Variants in ABCB5 observed in about 807,000 individuals in gnomAD.
ABCB5 encodes the protein ATP binding cassette subfamily B member 5.
A neutral mutation model predicts 144.2 loss-of-function variants in ABCB5; 155 were observed. The observed-to-expected ratio is 1.08, with a 90% CI of 0.94 to 1.23. ABCB5 has a LOEUF of 1.23. Among genes scored for constraint, ABCB5 ranks in the 50% most tolerant of loss-of-function variants. The pLI is 0.00. For synonymous variants in ABCB5, 610 were observed against 528.6 expected, an observed-to-expected ratio of 1.15 and a Z score of -2.11; for missense variants, 1,830 against 1,520.8, an observed-to-expected ratio of 1.20 and a Z score of -3.38.
chr7:20,687,355 A>C (rs1786036056), intron 16 of ABCB5, among the ~76,000 whole-genome samples: 1 of 152,252 alleles, frequency 6.6e-6, no homozygotes, highest in Non-Finnish European at 1.5e-5. Flanking sequence ...TTGGTTTACA[A>C]TCTGATACAA....
chr7:20,750,606 A>T (rs982624594), intron 26 of ABCB5, among the ~76,000 whole-genome samples: 6 of 152,192 alleles, frequency 3.9e-5, no homozygotes, highest in Non-Finnish European at 7.3e-5. Context: ...TGGGGGTGTT[A>T]AATAATATAT....
intron 19 of ABCB5, among the ~76,000 whole-genome samples, chr7:20,703,520 A>G (rs1674918420): frequency 6.6e-6 from 1 of 152,162 alleles, no homozygotes. Context: ...CTAACATATG[A>G]TGTGCGTGAT....
At chr7:20,645,726 T>C in intron 7 of ABCB5, 30 bp from the exon 8 acceptor site, 3 of 1,611,818 alleles carry the variant, frequency 1.9e-6, no homozygotes, top group African/African-American at 1.3e-5. Context: ...CACAGAGTCA[T>C]TTTTTAACTG....
At chr7:20,620,731 T>C (rs1783789963) in intron 1 of ABCB5, among the ~76,000 whole-genome samples, 1 of 152,046 alleles carries the variant, frequency 6.6e-6, no homozygotes, top group Non-Finnish European at 1.5e-5. Context: ...TGTCCATTAA[T>C]CAGAAAATAA....
chr7:20,755,598 T>G lies in ABCB5; in HGVS notation c.3748T>G (p.Leu1250Val), dbSNP rs1411289329. 35 of 1,614,050 alleles carry G rather than the reference T, an allele frequency of 2.2e-5. No individual in the cohort carries two copies. Among genetic ancestry groups the G allele is most frequent in the Non-Finnish European group, 3.0e-5 (35 of 1,180,042 alleles). Residue 1250 changes from leucine to valine, a missense_variant, in exon 28 of 28, where the codon TTA (leucine) becomes GTA (valine). Transcript: ENST00000404938. The stretch of plus-strand genomic sequence containing the variant: ...GAGAAATCGAGACATATATTTTAAG[T>G]TAGTGAATGCACAGTCAGTGCAGTG... ...LLRNRDIYFK[L>V]VNAQSVQ
In ABCB5 at chr7:20,632,755, G is replaced by A. The variant is rs568079528; in HGVS notation, c.314+642G>A. ...AAATCATCATTCTCAGTAAACTATC[G>A]CAAGAGCAAAAAAACAAACACCGCA... On this transcript the variant is annotated intron_variant, in intron 5 of 27. Transcript: ENST00000404938. Among the ~76,000 whole-genome samples the A allele has an allele frequency of 1.7e-4, 25 of 151,448 alleles. No individual in the cohort carries two copies. In the South Asian group the frequency reaches 3.7e-3, roughly 23 times the overall value.
At chr7:20,751,657 G>T (rs778709242) in intron 26 of ABCB5, among the ~76,000 whole-genome samples, 2 of 152,060 alleles carry the variant, frequency 1.3e-5, no homozygotes, top group Non-Finnish European at 2.9e-5. Context: ...AAAGGGCTAC[G>T]AGCTCATTAT....
chr7:20,617,568 G>T (rs1313125871), intron 1 of ABCB5, among the ~76,000 whole-genome samples: 2 of 152,140 alleles, frequency 1.3e-5, no homozygotes, highest in African/African-American at 2.4e-5. Context: ...ATACTATATA[G>T]TCATGTTTCT....
At chr7:20,618,545 T>C (rs1316288695) in intron 1 of ABCB5, among the ~76,000 whole-genome samples, 1 of 152,060 alleles carries the variant, frequency 6.6e-6, no homozygotes, top group East Asian at 1.9e-4. Flanking sequence ...AGGTAGTTTT[T>C]CAGCACCTTC....
Position 20,681,000 on chromosome 7 carries a change from TTC to T in ABCB5, c.1708-503_1708-502del, listed in dbSNP as rs1400029033. Among the ~76,000 whole-genome samples, 28 of 7,066 alleles carry T rather than the reference TTC, an allele frequency of 4.0e-3. 4 individuals are homozygous for T. The South Asian group carries it at 0.065, about 16-fold the overall frequency. 4.6% of individuals were successfully genotyped at this position (7,066 alleles called of 152,430 possible). A position where few individuals can be genotyped will look rare whatever the true frequency, so the allele number is the denominator to read the frequency against. ...TTTCTTTCTTTCTTTCTTTCTTTCT[TTC>T]TTTCTTTCTTTCTTTCTTTCTTTCT... On this transcript the variant is annotated intron_variant, in intron 14 of 27. Transcript: ENST00000404938.
intron 13 of ABCB5, among the ~76,000 whole-genome samples, chr7:20,655,996 T>C (rs1784778489): frequency 6.6e-6 from 1 of 152,218 alleles, no homozygotes; most frequent in Non-Finnish European, 1.5e-5. Context: ...CACAAATATC[T>C]ACTAAGTTAA....
At chr7:20,688,004 C>T (rs1786058630) in intron 16 of ABCB5, among the ~76,000 whole-genome samples, 1 of 152,100 alleles carries the variant, frequency 6.6e-6, no homozygotes, top group African/African-American at 2.4e-5. Context: ...CCAGCCTGAC[C>T]AACATGGTGA....
chr7:20,637,551 G>C (rs1281712152), intron 5 of ABCB5, among the ~76,000 whole-genome samples: 1 of 151,876 alleles, frequency 6.6e-6, no homozygotes, highest in East Asian at 1.9e-4. Context: ...CTCGTGAGTA[G>C]CTGGGAATAC....
Position 20,648,081 on chromosome 7 carries a change from A to T in ABCB5, c.1206+3A>T. On this transcript the variant is annotated splice_donor_region_variant and intron_variant, in intron 11 of 27. Transcript: ENST00000404938. ...ATCCATCAAGACCATCTATCAAGGTAGGTTAAAACAAATTACGCAATTGTG... is the reference window on the plus strand; with the variant it reads ...ATCCATCAAGACCATCTATCAAGGTTGGTTAAAACAAATTACGCAATTGTG... The T allele has an allele frequency of 6.5e-7, 1 of 1,540,554 alleles. No individual in the cohort carries two copies. The highest frequency in any genetic ancestry group is 1.4e-5 in the African/African-American group (1 of 73,208).
chr7:20,699,618 T>C (rs1786543511), intron 17 of ABCB5, among the ~76,000 whole-genome samples: 1 of 152,002 alleles, frequency 6.6e-6, no homozygotes, highest in Non-Finnish European at 1.5e-5. Context: ...TGAGAATCAC[T>C]TGAACCTGGG....
At chr7:20,726,902 G>A in intron 21 of ABCB5, 138 bp from the exon 22 acceptor site, 1 of 478,188 alleles carries the variant, frequency 2.1e-6, no homozygotes, top group South Asian at 4.9e-5. Context: ...AGGAAAGGAA[G>A]CTAAGAATAT....
chr7:20,724,264 G>C (rs1191815678), intron 21 of ABCB5, among the ~76,000 whole-genome samples: 2 of 151,550 alleles, frequency 1.3e-5, no homozygotes, highest in Non-Finnish European at 2.9e-5. Context: ...TCTTGGTAGA[G>C]GTCCAAAATC....
intron 1 of ABCB5, among the ~76,000 whole-genome samples, chr7:20,617,347 G>A (rs1434054449): frequency 6.6e-6 from 1 of 152,186 alleles, no homozygotes; most frequent in Non-Finnish European, 1.5e-5. Context: ...GCCTAGGTAG[G>A]TGTCTGATAT....
intron 23 of ABCB5, among the ~76,000 whole-genome samples, chr7:20,736,195 G>A (rs1782373549): frequency 1.3e-5 from 2 of 152,044 alleles, no homozygotes; most frequent in South Asian, 4.1e-4. Flanking sequence ...AAGTGTGAGA[G>A]CTTTTTTTTT....
Sources: gnomAD v4.1 joint callset for allele counts (sites outside exome capture counted in the v4.1 genomes callset) on GRCh38, gnomAD v4.1.1 for gene constraint, MANE v1.5 for transcripts, NCBI Gene and HGNC (gene_info 2026-07-23, HGNC 2026-07-21) for gene names.